NCK1: variants seen among roughly 807,000 people sequenced by gnomAD.
NCK1 encodes NCK adaptor protein 1.
A neutral mutation model predicts 36.6 loss-of-function variants in NCK1; 19 were observed. That is an observed-to-expected ratio of 0.52 (90% confidence interval 0.36 to 0.76). The LOEUF (loss-of-function observed/expected upper bound fraction) is 0.76, where lower values mean the gene tolerates loss of function less well. Ranked by LOEUF, NCK1 falls within the 30% of genes least tolerant of loss-of-function variation. The pLI is 0.00. For synonymous variants in NCK1, 165 were observed against 156.0 expected (o/e 1.06, Z -0.43); for missense variants, 358 against 445.6 (o/e 0.80, Z 1.77).
At chr3:136,896,988 G>C (rs575179408) in intron 1 of NCK1, among the ~76,000 whole-genome samples, 3 of 152,168 alleles carry the variant, frequency 2.0e-5, no homozygotes, top group South Asian at 2.1e-4. Context: ...ATTTTTGTAG[G>C]TTTCCAAAAA....
At chr3:136,918,247 C>G (rs993143972) in intron 1 of NCK1, among the ~76,000 whole-genome samples, 1 of 151,934 alleles carries the variant, frequency 6.6e-6, no homozygotes, top group African/African-American at 2.4e-5. Context: ...TCTCTTAGTT[C>G]ATTTCTATTA....
intron 1 of NCK1, among the ~76,000 whole-genome samples, chr3:136,892,561 CAAAG>C (rs1939276788): frequency 6.6e-6 from 1 of 152,184 alleles, no homozygotes; most frequent in African/African-American, 2.4e-5. Context: ...CTGGAATAGA[CAAAG>C]AACAGATTCT....
At chr3:136,931,731 G>T (rs1940395746) in intron 2 of NCK1, among the ~76,000 whole-genome samples, 1 of 152,144 alleles carries the variant, frequency 6.6e-6, no homozygotes, top group Admixed American at 6.5e-5. Flanking sequence ...TGGTGGAGAG[G>T]TATATGATGA....
chr3:136,927,241 G>A (rs1344026419), intron 1 of NCK1, among the ~76,000 whole-genome samples: 1 of 152,130 alleles, frequency 6.6e-6, no homozygotes, highest in African/African-American at 2.4e-5. Context: ...CGAAGTGCTG[G>A]GATTACAGGT....
rs759875342 is a variant in NCK1, at chr3:136,946,105, T to C, written c.749T>C (p.Met250Thr). 11 of 1,613,880 alleles carry C rather than the reference T, an allele frequency of 6.8e-6. No individual in the cohort carries two copies. The highest frequency in any genetic ancestry group is 2.2e-5 in the East Asian group (1 of 44,858). ...GTACCAAAAAACTATGTTACCGTTA[T>C]GCAGAATAATCCATTAACTTCAGGT... is the stretch of plus-strand genomic sequence containing the variant. ...GLVPKNYVTV[M>T]QNNPLTSGLE... The change falls in exon 3 of 4, where the codon ATG becomes ACG. Residue 250 changes from methionine (M) to threonine (T), a missense_variant. Physicochemically the swap from Met to Thr is moderately conservative, Grantham distance 81 (BLOSUM62 -1). Coordinates refer to ENST00000481752, the MANE Select transcript of NCK1 (RefSeq NM_001291999.2).
At chr3:136,941,995 C>T (rs920590284) in intron 2 of NCK1, among the ~76,000 whole-genome samples, 4 of 152,112 alleles carry the variant, frequency 2.6e-5, no homozygotes, top group East Asian at 1.9e-4. Context: ...TGTGCCACCA[C>T]GCCCGGCTAA....
chr3:136,946,343 A>G, intron 3 of NCK1, 48 bp downstream of exon 3: 1 of 1,447,390 alleles, frequency 6.9e-7, no homozygotes, highest in East Asian at 2.3e-5. Context: ...TGGGTATTTT[A>G]AAAAAAAGAG....
intron 1 of NCK1, among the ~76,000 whole-genome samples, chr3:136,909,463 T>G (rs1305759042): frequency 6.6e-6 from 1 of 152,212 alleles, no homozygotes; most frequent in African/African-American, 2.4e-5. Context: ...GGCTGTTTCC[T>G]CTAAGAGCTT....
intron 1 of NCK1, among the ~76,000 whole-genome samples, chr3:136,880,370 C>CG (rs1938896975): frequency 6.6e-6 from 1 of 151,852 alleles, no homozygotes; most frequent in Non-Finnish European, 1.5e-5. Flanking sequence ...AGGGTGGACC[C>CG]TAATCCACCA....
chr3:136,941,210 C>T (rs1450923417), intron 2 of NCK1, among the ~76,000 whole-genome samples: 1 of 149,526 alleles, frequency 6.7e-6, no homozygotes, highest in Non-Finnish European at 1.5e-5. Flanking sequence ...ACTGCAACCT[C>T]TGCCTCCCAG....
chr3:136,892,847 C>T (rs1242424813), intron 1 of NCK1, among the ~76,000 whole-genome samples: 3 of 152,012 alleles, frequency 2.0e-5, no homozygotes, highest in South Asian at 2.1e-4. Context: ...TTTGGGGAAC[C>T]GATGGTGTTT....
chr3:136,914,152 A>C, intron 1 of NCK1, among the ~76,000 whole-genome samples: 1 of 152,226 alleles, frequency 6.6e-6, no homozygotes, highest in East Asian at 1.9e-4. Context: ...GTGAAACAAT[A>C]GCTGCCTGCT....
chr3:136,912,319 C>T (rs1012698152), intron 1 of NCK1, among the ~76,000 whole-genome samples: 6 of 151,878 alleles, frequency 4.0e-5, no homozygotes, highest in South Asian at 2.1e-4. Context: ...CATGCCACCA[C>T]GCCTGGCTGA....
chr3:136,932,009 A>G (rs774897968), intron 2 of NCK1, among the ~76,000 whole-genome samples: 1 of 151,938 alleles, frequency 6.6e-6, no homozygotes, highest in South Asian at 2.1e-4. Flanking sequence ...AATCCCAGCT[A>G]CTTGGGAAGC....
At chr3:136,866,644 C>A (rs2108061293) in intron 1 of NCK1, among the ~76,000 whole-genome samples, 1 of 148,228 alleles carries the variant, frequency 6.7e-6, no homozygotes, top group Non-Finnish European at 1.5e-5. Flanking sequence ...TGAGGCGTCT[C>A]ACTCTGTCAC....
At position 136,865,787 on chromosome 3, in the gene NCK1, C is replaced by T. The variant is rs373411055; in HGVS notation, c.-19+3434C>T. On this transcript the variant is annotated intron_variant, in intron 1 of 3. Coordinates refer to ENST00000481752, the MANE Select transcript of NCK1 (RefSeq NM_001291999.2). Reference sequence around the variant, plus strand: ...TTAAAGATTTAAGGAAACTTTATGTCTGGCTGATCCTCACCTTAAACTCTA... The same window carrying T: ...TTAAAGATTTAAGGAAACTTTATGTTTGGCTGATCCTCACCTTAAACTCTA... 4.6e-5 allele frequency among the ~76,000 whole-genome samples: 7 copies of T among 152,340 alleles called. No homozygotes were observed. In the East Asian group the frequency reaches 1.2e-3, roughly 25 times the overall value.
chr3:136,898,676 C>T (rs1248107556), intron 1 of NCK1, among the ~76,000 whole-genome samples: 1 of 152,114 alleles, frequency 6.6e-6, no homozygotes, highest in African/African-American at 2.4e-5. Flanking sequence ...TCAGAAATGT[C>T]TTATGAAAGA....
chr3:136,897,791 T>C (rs1307269740), intron 1 of NCK1, among the ~76,000 whole-genome samples: 1 of 152,206 alleles, frequency 6.6e-6, no homozygotes, highest in Non-Finnish European at 1.5e-5. Flanking sequence ...GTATTATACA[T>C]TTTTAATGGT....
chr3:136,923,120 T>C (rs188566458), intron 1 of NCK1, among the ~76,000 whole-genome samples: 46 of 152,150 alleles, frequency 3.0e-4, no homozygotes, highest in East Asian at 1.3e-3. Flanking sequence ...TGTGTGTGTG[T>C]GCGCGCCTGT....
Sources: gnomAD v4.1 joint callset for allele counts (sites outside exome capture counted in the v4.1 genomes callset) on GRCh38, gnomAD v4.1.1 for gene constraint, MANE v1.5 for transcripts, NCBI Gene and HGNC (gene_info 2026-07-23, HGNC 2026-07-21) for gene names.